IER3IP1: variants seen among roughly 807,000 people sequenced by gnomAD.
The protein encoded by IER3IP1 is immediate early response 3-interacting protein 1.
IER3IP1 carries 16 observed loss-of-function variants against 12.2 expected under a neutral mutation model. The observed-to-expected ratio is 1.31, with a 90% CI of 0.89 to 1.99. The LOEUF (loss-of-function observed/expected upper bound fraction) is 1.99, where lower values mean the gene tolerates loss of function less well. IER3IP1 is among the 30% of genes most tolerant of loss of function. The pLI, the probability that IER3IP1 is intolerant of heterozygous loss-of-function variation, is 0.00. For missense variants in IER3IP1, 95 were observed against 95.8 expected, an observed-to-expected ratio of 0.99 and a Z score of 0.03; for synonymous variants, 42 against 40.0, an observed-to-expected ratio of 1.05 and a Z score of -0.19.
intron 1 of IER3IP1, among the ~76,000 whole-genome samples, chr18:47,159,954 G>A (rs1453282780): frequency 6.6e-6 from 1 of 151,954 alleles, no homozygotes; most frequent in Non-Finnish European, 1.5e-5. Flanking sequence ...CCAGCACTTT[G>A]GGAGGCCAAG....
chr18:47,176,134 C>T lies in IER3IP1; in HGVS notation c.91+53G>A, dbSNP rs1342534514. 2.7e-6 allele frequency: 4 copies of T among 1,473,148 alleles called. No individual in the cohort carries two copies. In the Admixed American group the frequency reaches 5.9e-5, roughly 22 times the overall value. The allele number at this position is 1,473,148 out of a possible 1,614,324, so 91.3% of individuals were successfully genotyped here. A position where few individuals can be genotyped will look rare whatever the true frequency, so the allele number is the denominator to read the frequency against. On this transcript the variant is annotated intron_variant, in intron 1 of 2. Coordinates refer to ENST00000256433, the MANE Select transcript of IER3IP1 (RefSeq NM_016097.5). ...CCTCACGCGGCCCCATTAGGTTACGCGCCCCCGGGGACTCCGCCGCCGCCC... is the reference window on the plus strand; with the variant it reads ...CCTCACGCGGCCCCATTAGGTTACGTGCCCCCGGGGACTCCGCCGCCGCCC...
chr18:47,155,971 T>C lies in IER3IP1; in HGVS notation c.*206A>G. On this transcript the variant is annotated 3_prime_UTR_variant, in exon 3 of 3. Coordinates refer to ENST00000256433, the MANE Select transcript of IER3IP1 (RefSeq NM_016097.5). ...ATTCCAGTCCTGGAGAGTTACTGCC[T>C]TTCATGATCTGATCTTTTGTAATGA... is the stretch of plus-strand genomic sequence containing the variant. 1.9e-6 allele frequency: 1 copy of C among 535,566 alleles called. No individual in the cohort carries two copies. Among genetic ancestry groups the C allele is most frequent in the South Asian group, 2.3e-5 (1 of 43,140 alleles). 33.2% of individuals were successfully genotyped at this position (535,566 alleles called of 1,614,324 possible). A position where few individuals can be genotyped will look rare whatever the true frequency, so the allele number is the denominator to read the frequency against.
Position 47,156,414 on chromosome 18 carries a change from T to G in IER3IP1, c.194-182A>C, listed in dbSNP as rs547379717. Among the ~76,000 whole-genome samples the G allele has an allele frequency of 2.0e-5, 3 of 152,242 alleles. No individual in the cohort carries two copies. The South Asian group carries it at 6.2e-4, about 32-fold the overall frequency. Reference sequence around the variant, plus strand: ...TTGGATCATGAGATCCAAAACTTATTTTAAAGAGAACTTGTATAACTGGGA... The same window carrying G: ...TTGGATCATGAGATCCAAAACTTATGTTAAAGAGAACTTGTATAACTGGGA... On this transcript the variant is annotated intron_variant, in intron 2 of 2. Transcript: ENST00000256433.
rs2064032998 is a variant in IER3IP1, at chr18:47,176,204, T to C, written c.74A>G (p.Glu25Gly). The C allele has an allele frequency of 6.2e-7, 1 of 1,602,158 alleles. No individual in the cohort carries two copies. Among genetic ancestry groups the C allele is most frequent in the Non-Finnish European group, 8.5e-7 (1 of 1,174,726 alleles). Residue 25 changes from glutamate (E) to glycine (G), a missense_variant, in exon 1 of 3, where the codon GAG becomes GGG. Glu to Gly is a moderately conservative substitution (Grantham distance 98). Coordinates refer to ENST00000256433, the MANE Select transcript of IER3IP1 (RefSeq NM_016097.5). Reference sequence around the variant, plus strand: ...CCACTCACTGTTCTTGAGGAATCGCTCCTCGTGCAGCACTGCGATGGCGTT... The same window carrying C: ...CCACTCACTGTTCTTGAGGAATCGCCCCTCGTGCAGCACTGCGATGGCGTT... Reference protein sequence around the residue: ...CVNAIAVLHEERFLKNIGWGT... With the variant: ...CVNAIAVLHEGRFLKNIGWGT...
At position 47,154,807 on chromosome 18, in the gene IER3IP1, T is replaced by C. The variant is rs866728647; in HGVS notation, c.*1370A>G. 6.6e-6 allele frequency: 1 copy of C among 152,206 alleles called. No homozygotes were observed. Among genetic ancestry groups the C allele is most frequent in the East Asian group, 1.9e-4 (1 of 5,196 alleles). The allele number at this position is 152,206 out of a possible 1,614,324, so 9.4% of individuals were successfully genotyped here. ...CAAAAGGTACTTAATACCTGCTCCA[T>C]AGTTTTAGAAGTAACTGAAGTCATG... On this transcript the variant is annotated 3_prime_UTR_variant, in exon 3 of 3. Coordinates refer to ENST00000256433, the MANE Select transcript of IER3IP1 (RefSeq NM_016097.5).
intron 1 of IER3IP1, among the ~76,000 whole-genome samples, chr18:47,168,698 C>T (rs2064005232): frequency 6.6e-6 from 1 of 152,142 alleles, no homozygotes; most frequent in African/African-American, 2.4e-5. Flanking sequence ...TGAACATTCT[C>T]ATACATGTCT....
rs187945855 is a variant in IER3IP1 at position 47,168,121 on chromosome 18, G to A, written c.91+8066C>T. 2.3e-4 allele frequency among the ~76,000 whole-genome samples: 17 copies of A among 74,714 alleles called. No homozygotes were observed. In the Admixed American group the frequency reaches 2.4e-3, roughly 11 times the overall value. The allele number at this position is 74,714 out of a possible 152,430, so 49.0% of individuals were successfully genotyped here. On this transcript the variant is annotated intron_variant, in intron 1 of 2. Transcript: ENST00000256433. The stretch of plus-strand genomic sequence containing the variant: ...AGCCTGGGTGACAGAGCAAGACTCC[G>A]TCTCAAAAAAAAAAAAAAAAAAAAA...
intron 1 of IER3IP1, among the ~76,000 whole-genome samples, chr18:47,167,710 T>G (rs2064000464): frequency 6.6e-6 from 1 of 152,218 alleles, no homozygotes; most frequent in South Asian, 2.1e-4. Context: ...TCACTTATTA[T>G]TCTCCAATTA....
At chr18:47,169,914 G>A (rs2064009834) in intron 1 of IER3IP1, among the ~76,000 whole-genome samples, 1 of 152,102 alleles carries the variant, frequency 6.6e-6, no homozygotes, top group Non-Finnish European at 1.5e-5. Context: ...TTTAAAGCAT[G>A]AACTTTTTAA....
chr18:47,153,523 A>G lies in IER3IP1; in HGVS notation c.*2654T>C, dbSNP rs2063948134. The G allele has an allele frequency of 6.6e-6, 1 of 152,102 alleles. No individual in the cohort carries two copies. The highest frequency in any genetic ancestry group is 1.5e-5 in the Non-Finnish European group (1 of 68,024). 9.4% of individuals were successfully genotyped at this position (152,102 alleles called of 1,614,324 possible). ...CCAGGTGCTAAGCCTAGTACCCAGT[A>G]ATTTTTCTGGCACTCTTTCTCACCC... On this transcript the variant is annotated 3_prime_UTR_variant, in exon 3 of 3. Coordinates refer to ENST00000256433, the MANE Select transcript of IER3IP1 (RefSeq NM_016097.5).
At chr18:47,174,093 T>C (rs556174966) in intron 1 of IER3IP1, among the ~76,000 whole-genome samples, 1 of 152,322 alleles carries the variant, frequency 6.6e-6, no homozygotes, top group South Asian at 2.1e-4. Flanking sequence ...ACACATCTTT[T>C]TGAGGGACAC....
chr18:47,173,392 G>A (rs1256554167), intron 1 of IER3IP1, among the ~76,000 whole-genome samples: 1 of 151,986 alleles, frequency 6.6e-6, no homozygotes, highest in African/African-American at 2.4e-5. Flanking sequence ...TGTCACCCAG[G>A]TTGGAGTGCA....
intron 1 of IER3IP1, among the ~76,000 whole-genome samples, chr18:47,161,206 G>C (rs1198916129): frequency 6.6e-6 from 1 of 152,040 alleles, no homozygotes; most frequent in Admixed American, 6.5e-5. Flanking sequence ...CTTTTATTTG[G>C]TTGAAATAAA....
intron 2 of IER3IP1, 56 bp downstream of exon 2, chr18:47,157,380 G>A: frequency 6.9e-7 from 1 of 1,449,410 alleles, no homozygotes; most frequent in South Asian, 1.1e-5. Context: ...CAGAAGCCTT[G>A]CTACTTAAAC....
intron 1 of IER3IP1, among the ~76,000 whole-genome samples, chr18:47,168,237 G>A (rs888980558): frequency 1.3e-5 from 2 of 148,944 alleles, no homozygotes; most frequent in African/African-American, 5.0e-5. Flanking sequence ...GGGAGGCAGA[G>A]GATGCAGTGA....
chr18:47,173,489 C>T (rs983878437), intron 1 of IER3IP1, among the ~76,000 whole-genome samples: 6 of 152,092 alleles, frequency 3.9e-5, no homozygotes, highest in African/African-American at 7.2e-5. Context: ...GGATTACAGG[C>T]GCCCACCACC....
Position 47,172,482 on chromosome 18 carries a change from A to G in IER3IP1, c.91+3705T>C, listed in dbSNP as rs1172077457. ...AGTCCTCCCCCTTAATCTTGGAGAT[A>G]CACTTCAAGATTCCACAGTAGATGC... On this transcript the variant is annotated intron_variant, in intron 1 of 2. Coordinates refer to ENST00000256433, the MANE Select transcript of IER3IP1 (RefSeq NM_016097.5). The surrounding 1 kb of genome is among the most constrained non-coding windows in gnomAD (Gnocchi z 4.0). Among the ~76,000 whole-genome samples, 1 of 152,160 alleles carries G rather than the reference A, an allele frequency of 6.6e-6. No homozygotes were observed. The highest frequency in any genetic ancestry group is 1.5e-5 in the Non-Finnish European group (1 of 68,030).
chr18:47,168,210 C>G (rs1387340212), intron 1 of IER3IP1, among the ~76,000 whole-genome samples: 1 of 130,702 alleles, frequency 7.7e-6, no homozygotes, highest in East Asian at 2.2e-4. Flanking sequence ...CAGGCTGAGG[C>G]AGAATTGCTT....
At chr18:47,157,182 T>C (rs1487590660) in intron 2 of IER3IP1, 15 of 478,416 alleles carry the variant, frequency 3.1e-5, no homozygotes, top group Non-Finnish European at 3.7e-6. Context: ...GTCTTTTAGC[T>C]CTGACAGGTA....
Sources: gnomAD v4.1 joint callset for allele counts (sites outside exome capture counted in the v4.1 genomes callset) on GRCh38, gnomAD v4.1.1 for gene constraint, Gnocchi (gnomAD v3.1) non-coding constraint, MANE v1.5 for transcripts, NCBI Gene and HGNC (gene_info 2026-07-23, HGNC 2026-07-21) for gene names.